LY96: variants seen among roughly 807,000 people sequenced by gnomAD.
The protein encoded by LY96 is myeloid differentiation protein-2.
A neutral mutation model predicts 18.9 loss-of-function variants in LY96; 18 were observed. The observed-to-expected ratio is 0.95, with a 90% confidence interval of 0.66 to 1.41. The LOEUF (loss-of-function observed/expected upper bound fraction) is 1.41, where lower values mean the gene tolerates loss of function less well. LY96 is among the 40% of genes most tolerant of loss of function. The pLI is 0.00. For missense variants in LY96, 175 were observed against 182.4 expected, an observed-to-expected ratio of 0.96 and a Z score of 0.23; for synonymous variants, 66 against 62.6, an observed-to-expected ratio of 1.06 and a Z score of -0.26.
chr8:74,028,722 T>A (rs1051908563), intron 4 of LY96, among the ~76,000 whole-genome samples: 1 of 152,362 alleles, frequency 6.6e-6, no homozygotes, highest in Admixed American at 6.5e-5. Context: ...TAATATCTAA[T>A]ATTTCAAAAC....
Position 74,026,857 on chromosome 8 carries a change from T to G in LY96, c.384+16T>G, listed in dbSNP as rs1467847341. On this transcript the variant is annotated intron_variant, in intron 4 of 4. Coordinates refer to ENST00000284818, the MANE Select transcript of LY96 (RefSeq NM_015364.5). ...ATTTTCTAAGGTATTGTTCAAGATT[T>G]ATTTTGTACTGTCTAACCTTTAGCA... 4 of 1,286,624 alleles carry G rather than the reference T, an allele frequency of 3.1e-6. No individual in the cohort carries two copies. Among genetic ancestry groups the G allele is most frequent in the Admixed American group, 3.4e-5 (2 of 59,004 alleles). The allele number at this position is 1,286,624 out of a possible 1,614,324, so 79.7% of individuals were successfully genotyped here.
At chr8:74,004,755 G>C in intron 1 of LY96, 41 bp from the exon 2 acceptor site, 2 of 1,492,574 alleles carry the variant, frequency 1.3e-6, no homozygotes, top group Non-Finnish European at 1.9e-6. Context: ...TAATGGAGAT[G>C]ATTTGTAGTA....
intron 2 of LY96, among the ~76,000 whole-genome samples, chr8:74,008,567 G>C (rs1490279682): frequency 1.3e-5 from 2 of 152,192 alleles, no homozygotes; most frequent in South Asian, 2.1e-4. Flanking sequence ...CTACATGAAG[G>C]CAGCGCGGTA....
At chr8:74,079,848 C>A in the LY96 span, among the ~76,000 whole-genome samples, 1 of 151,892 alleles carries the variant, frequency 6.6e-6, no homozygotes, top group South Asian at 2.1e-4. Flanking sequence ...CTGCACTCAG[C>A]CTTAGCTGTG....
At chr8:74,084,660 C>G in the LY96 span, among the ~76,000 whole-genome samples, 1 of 152,168 alleles carries the variant, frequency 6.6e-6, no homozygotes, top group African/African-American at 2.4e-5. Context: ...GTTGCCCAGG[C>G]TGGAGTACAG....
chr8:74,085,713 C>A, the LY96 span, among the ~76,000 whole-genome samples: 4 of 152,080 alleles, frequency 2.6e-5, no homozygotes, highest in Non-Finnish European at 5.9e-5. Flanking sequence ...TCTCCTGGAT[C>A]TTTTTTTAAA....
At chr8:74,040,339 C>T in the LY96 span, among the ~76,000 whole-genome samples, 3 of 152,102 alleles carry the variant, frequency 2.0e-5, no homozygotes, top group East Asian at 1.9e-4. Flanking sequence ...AATCTTTCAC[C>T]CACAATCCTA....
chr8:74,084,473 T>A, the LY96 span, among the ~76,000 whole-genome samples: 1 of 152,234 alleles, frequency 6.6e-6, no homozygotes, highest in Non-Finnish European at 1.5e-5. Flanking sequence ...TGCTGGCTTC[T>A]TTCCCTTTAT....
chr8:73,998,119 C>T (rs1009212569), intron 1 of LY96, among the ~76,000 whole-genome samples: 2 of 152,108 alleles, frequency 1.3e-5, no homozygotes, highest in African/African-American at 2.4e-5. Context: ...CAGGAACCCA[C>T]CAAAAGTTAC....
chr8:74,094,356 C>T, the LY96 span, among the ~76,000 whole-genome samples: 1 of 151,990 alleles, frequency 6.6e-6, no homozygotes, highest in African/African-American at 2.4e-5. Flanking sequence ...TGAGTAGATA[C>T]CTATCATAAT....
chr8:74,040,902 C>A, the LY96 span, among the ~76,000 whole-genome samples: 1 of 151,982 alleles, frequency 6.6e-6, no homozygotes, highest in African/African-American at 2.4e-5. Flanking sequence ...TGGGGTTTCA[C>A]CAAGTTAGCC....
Position 74,002,093 on chromosome 8 carries a change from T to TTCTCTC in LY96, c.113-2669_113-2664dup, listed in dbSNP as rs376445801. The stretch of plus-strand genomic sequence containing the variant: ...TTCCTTCCTTTCTTTCTTTCTTTCT[T>TTCTCTC]TCTCTCTCTCTCTCTCTCTCTCTCT... On this transcript the variant is annotated intron_variant, in intron 1 of 4. Coordinates refer to ENST00000284818, the MANE Select transcript of LY96 (RefSeq NM_015364.5). 1.2e-3 allele frequency among the ~76,000 whole-genome samples: 46 copies of TTCTCTC among 38,720 alleles called. 6 individuals are homozygous for TTCTCTC. The highest frequency in any genetic ancestry group is 5.1e-3 in the African/African-American group (33 of 6,456). 25.4% of individuals were successfully genotyped at this position (38,720 alleles called of 152,430 possible). A position where few individuals can be genotyped will look rare whatever the true frequency, so the allele number is the denominator to read the frequency against.
chr8:74,054,574 TC>T, the LY96 span, among the ~76,000 whole-genome samples: 9 of 115,454 alleles, frequency 7.8e-5, no homozygotes, highest in African/African-American at 2.3e-4. Flanking sequence ...CTTCCCTCCC[TC>T]CCCCCTCCCT....
chr8:74,014,359 C>T (rs1463804939), intron 3 of LY96, among the ~76,000 whole-genome samples: 1 of 147,624 alleles, frequency 6.8e-6, no homozygotes, highest in Non-Finnish European at 1.5e-5. Flanking sequence ...TAGCTGTGAT[C>T]CACCGCTGCA....
At chr8:74,048,204 C>A in the LY96 span, among the ~76,000 whole-genome samples, 1 of 152,160 alleles carries the variant, frequency 6.6e-6, no homozygotes, top group Non-Finnish European at 1.5e-5. Context: ...CAGCTCCCAC[C>A]ATTATTTTAA....
At chr8:74,075,651 G>A in the LY96 span, among the ~76,000 whole-genome samples, 1 of 152,120 alleles carries the variant, frequency 6.6e-6, no homozygotes, top group African/African-American at 2.4e-5. Context: ...GATAAAGTGA[G>A]ACTTTTAAAA....
At chr8:74,060,824 A>C in the LY96 span, among the ~76,000 whole-genome samples, 1 of 152,172 alleles carries the variant, frequency 6.6e-6, no homozygotes, top group African/African-American at 2.4e-5. Flanking sequence ...TATTTATTTA[A>C]CACTTGGGGT....
intron 1 of LY96, among the ~76,000 whole-genome samples, chr8:73,998,447 G>A (rs1342869249): frequency 6.6e-6 from 1 of 151,986 alleles, no homozygotes; most frequent in African/African-American, 2.4e-5. Context: ...AGGCTGAAGT[G>A]AGAGGATCAC....
At chr8:74,092,820 A>G in the LY96 span, among the ~76,000 whole-genome samples, 59 of 152,110 alleles carry the variant, frequency 3.9e-4, no homozygotes, top group East Asian at 9.3e-3. Context: ...TGTTCATCTT[A>G]TCTCTGGAAT....
Sources: allele counts gnomAD v4.1 joint callset (sites outside exome capture counted in the v4.1 genomes callset), GRCh38; gene constraint gnomAD v4.1.1; transcripts MANE v1.5; gene names NCBI Gene and HGNC (gene_info 2026-07-23, HGNC 2026-07-21).